The following SLC38A8 variants were observed in gnomAD, a reference collection of about 807,000 sequenced individuals.
The protein encoded by SLC38A8 is solute carrier family 38 member 8.
A neutral mutation model predicts 46.0 loss-of-function variants in SLC38A8; 65 were observed. The observed-to-expected ratio is 1.41, with a 90% CI of 1.16 to 1.74. The LOEUF (loss-of-function observed/expected upper bound fraction) is 1.74, where lower values mean the gene tolerates loss of function less well. Ranked by LOEUF, SLC38A8 falls within the 40% of genes most tolerant of loss-of-function variation. SLC38A8 has a pLI of 0.00. For synonymous variants in SLC38A8, 447 were observed against 243.7 expected, an observed-to-expected ratio of 1.83 and a Z score of -7.77; for missense variants, 998 against 567.9, an observed-to-expected ratio of 1.76 and a Z score of -7.70.
intron 10 of SLC38A8, among the ~76,000 whole-genome samples, chr16:84,012,541 G>A (rs559056653): frequency 2.0e-5 from 3 of 152,338 alleles, no homozygotes; most frequent in Non-Finnish European, 4.4e-5. Flanking sequence ...AGACATGTGG[G>A]TATGGTGGGG....
intron 9 of SLC38A8, among the ~76,000 whole-genome samples, chr16:84,015,193 G>A (rs1049944879): frequency 6.6e-6 from 1 of 152,140 alleles, no homozygotes; most frequent in East Asian, 1.9e-4. Context: ...CACTTGCTGT[G>A]TGTGGGGCCC....
intron 4 of SLC38A8, among the ~76,000 whole-genome samples, chr16:84,032,863 T>G (rs1567701222): frequency 6.7e-6 from 1 of 150,318 alleles, no homozygotes; most frequent in African/African-American, 2.4e-5. Context: ...TGTGCGTGCA[T>G]GGGCACGGGG....
chr16:84,026,468 C>T (rs1003816683), intron 6 of SLC38A8, among the ~76,000 whole-genome samples: 1 of 152,184 alleles, frequency 6.6e-6, no homozygotes, highest in Admixed American at 6.5e-5. Flanking sequence ...CTCAGGTGAT[C>T]CACCCGCCTC....
intron 10 of SLC38A8, 149 bp downstream of exon 10, chr16:84,012,852 G>C: frequency 1.1e-6 from 1 of 889,390 alleles, no homozygotes; most frequent in East Asian, 2.5e-5. Context: ...CCCTCATACT[G>C]GGTAGACAGA....
In SLC38A8 at chr16:84,031,754, G is replaced by C. The variant is rs372632588; in HGVS notation, c.632+113C>G. On this transcript the variant is annotated intron_variant, in intron 5 of 10. Coordinates refer to ENST00000299709, the MANE Select transcript of SLC38A8 (RefSeq NM_001080442.3). ...AGAGACGGAAAGAACTGGAAGGAAG[G>C]AGCCCAGGCTCTGCAGTGAGCCACG... The C allele has an allele frequency of 4.3e-5, 37 of 855,974 alleles. No individual in the cohort carries two copies. The African/African-American group carries it at 4.7e-4, about 11-fold the overall frequency. 53.0% of individuals were successfully genotyped at this position (855,974 alleles called of 1,614,324 possible). A position where few individuals can be genotyped will look rare whatever the true frequency, so the allele number is the denominator to read the frequency against.
intron 3 of SLC38A8, among the ~76,000 whole-genome samples, chr16:84,034,773 G>T (rs1458226190): frequency 1.3e-5 from 2 of 152,140 alleles, no homozygotes; most frequent in African/African-American, 4.8e-5. Context: ...ACTGCACCGA[G>T]ATCGTGGGTG....
At chr16:84,010,497 T>A (rs2084940650) in intron 10 of SLC38A8, among the ~76,000 whole-genome samples, 1 of 151,848 alleles carries the variant, frequency 6.6e-6, no homozygotes, top group African/African-American at 2.4e-5. Flanking sequence ...TCCCAGCACT[T>A]TGGGAGGCTG....
intron 9 of SLC38A8, among the ~76,000 whole-genome samples, chr16:84,015,666 T>C (rs1467678464): frequency 2.0e-5 from 3 of 152,142 alleles, no homozygotes; most frequent in Non-Finnish European, 4.4e-5. Context: ...TGTATTAGTC[T>C]GCTCTCATGC....
At chr16:84,016,129 C>CG (rs111998534) in intron 9 of SLC38A8, among the ~76,000 whole-genome samples, 1,911 of 48,656 alleles carry the variant, frequency 0.039, 10 homozygotes, top group Middle Eastern at 0.13. Context: ...TGCTGGGGGG[C>CG]GGGGGGGGAC....
At chr16:84,010,067 A>ATTTTTTTTTT (rs397855804) in intron 10 of SLC38A8, among the ~76,000 whole-genome samples, 190 bp from the exon 11 acceptor site, 4 of 111,936 alleles carry the variant, frequency 3.6e-5, no homozygotes, top group African/African-American at 1.5e-4. Flanking sequence ...TACCCAGGCA[A>ATTTTTTTTTT]TTTTTTTTTT....
chr16:84,022,898 C>G lies in SLC38A8; in HGVS notation c.691-9G>C. ...ACGGCAGCTTCGTGACACTGTAAGACAGAGGGCGGCTCAGCAGGATGCTGG... is the reference window on the plus strand; with the variant it reads ...ACGGCAGCTTCGTGACACTGTAAGAGAGAGGGCGGCTCAGCAGGATGCTGG... On this transcript the variant is annotated splice_polypyrimidine_tract_variant and intron_variant, in intron 6 of 10. Transcript: ENST00000299709. The G allele has an allele frequency of 6.3e-7, 1 of 1,576,352 alleles. No individual in the cohort carries two copies. The highest frequency in any genetic ancestry group is 8.6e-7 in the Non-Finnish European group (1 of 1,163,802).
chr16:84,018,521 G>A (rs1001693798), intron 7 of SLC38A8, among the ~76,000 whole-genome samples: 2 of 151,906 alleles, frequency 1.3e-5, no homozygotes, highest in South Asian at 2.1e-4. Flanking sequence ...GCCTGGCCTG[G>A]CCCATTCCCT....
At chr16:84,038,821 C>T (rs572501288) in intron 2 of SLC38A8, among the ~76,000 whole-genome samples, 28 of 152,210 alleles carry the variant, frequency 1.8e-4, no homozygotes, top group Admixed American at 7.2e-4. Flanking sequence ...GTGATTGATC[C>T]GTATCGGGCG....
intron 9 of SLC38A8, among the ~76,000 whole-genome samples, chr16:84,014,449 G>A (rs538863529): frequency 3.3e-5 from 5 of 151,416 alleles, no homozygotes; most frequent in Admixed American, 2.6e-4. Flanking sequence ...ACCTCTGAAA[G>A]CCCTGCCCAG....
At chr16:84,014,930 G>A (rs552685943) in intron 9 of SLC38A8, among the ~76,000 whole-genome samples, 29 of 149,336 alleles carry the variant, frequency 1.9e-4, no homozygotes, top group Admixed American at 7.9e-4. Flanking sequence ...CTGGGACCCT[G>A]AACAATGTTT....
At chr16:84,016,418 G>A (rs1437589046) in intron 9 of SLC38A8, 101 bp downstream of exon 9, 2 of 1,368,782 alleles carry the variant, frequency 1.5e-6, no homozygotes, top group African/African-American at 2.9e-5. Context: ...CCCATATGTG[G>A]CTCCCACCTT....
At chr16:84,011,782 G>A (rs559679015) in intron 10 of SLC38A8, among the ~76,000 whole-genome samples, 1 of 152,202 alleles carries the variant, frequency 6.6e-6, no homozygotes, top group Non-Finnish European at 1.5e-5. Flanking sequence ...TACTCAGGAG[G>A]CTGAGGCAGG....
chr16:84,020,367 A>C (rs1483550398), intron 7 of SLC38A8, among the ~76,000 whole-genome samples: 1 of 152,056 alleles, frequency 6.6e-6, no homozygotes, highest in Non-Finnish European at 1.5e-5. Flanking sequence ...GCTGGCCTCG[A>C]ACTCCTGGCC....
chr16:84,014,095 A>C (rs59743166), intron 9 of SLC38A8, among the ~76,000 whole-genome samples: 9,689 of 147,648 alleles, frequency 0.066, 332 homozygotes, highest in Middle Eastern at 0.13. Flanking sequence ...GAGGGAGGAG[A>C]TGCATGGCCA....
Sources: gnomAD v4.1 joint callset for allele counts (sites outside exome capture counted in the v4.1 genomes callset) on GRCh38, gnomAD v4.1.1 for gene constraint, MANE v1.5 for transcripts, NCBI Gene and HGNC (gene_info 2026-07-23, HGNC 2026-07-21) for gene names.